The following RPTOR variants were observed in gnomAD, a reference collection of about 807,000 sequenced individuals.
The protein encoded by RPTOR is regulatory-associated protein of mTOR.
RPTOR carries 21 observed loss-of-function variants against 169.9 expected under a neutral mutation model. The observed-to-expected ratio is 0.12, with a 90% CI of 0.09 to 0.18. RPTOR has a LOEUF of 0.18. RPTOR is among the 10% of genes least tolerant of loss of function. RPTOR has a pLI of 1.00. For missense variants in RPTOR, 1,133 were observed against 1,855.9 expected (o/e 0.61, Z 7.16); for synonymous variants, 732 against 753.2 (o/e 0.97, Z 0.46).
intron 1 of RPTOR, among the ~76,000 whole-genome samples, chr17:80,567,660 C>T (rs769689759): frequency 1.2e-4 from 18 of 151,762 alleles, no homozygotes; most frequent in Middle Eastern, 3.4e-3. Flanking sequence ...GGCATGGTGG[C>T]GGGCGCCTAT....
At chr17:80,741,152 C>G (rs1043004744) in intron 5 of RPTOR, among the ~76,000 whole-genome samples, 1 of 152,190 alleles carries the variant, frequency 6.6e-6, no homozygotes, top group Non-Finnish European at 1.5e-5. Context: ...AACTGAGGGT[C>G]TCCCCGTGAC....
In RPTOR at chr17:80,687,732, C is replaced by A. The variant is rs530258936; in HGVS notation, c.349-20109C>A. Among the ~76,000 whole-genome samples, 3 of 152,284 alleles carry A rather than the reference C, an allele frequency of 2.0e-5. No individual in the cohort carries two copies. In the East Asian group the frequency reaches 5.8e-4, roughly 29 times the overall value. On this transcript the variant is annotated intron_variant, in intron 3 of 33. Coordinates refer to ENST00000306801, the MANE Select transcript of RPTOR (RefSeq NM_020761.3). Reference sequence around the variant, plus strand: ...CAGCACCGTGGGTGTTGATGATCTCCGAGGCTGCCTGTTTAGAGCGTCCCT... The same window carrying A: ...CAGCACCGTGGGTGTTGATGATCTCAGAGGCTGCCTGTTTAGAGCGTCCCT...
chr17:80,732,409 CTG>C (rs1437161472), intron 5 of RPTOR, among the ~76,000 whole-genome samples: 1 of 152,162 alleles, frequency 6.6e-6, no homozygotes, highest in Admixed American at 6.5e-5. Context: ...TCCGGCAGTG[CTG>C]TGTGTGCTCT....
intron 1 of RPTOR, among the ~76,000 whole-genome samples, chr17:80,605,687 C>T (rs1370632025): frequency 6.6e-6 from 1 of 151,906 alleles, no homozygotes; most frequent in Non-Finnish European, 1.5e-5. Context: ...TGGTGATATA[C>T]ACCTTGCCAG....
chr17:80,710,773 A>G (rs1372226909), intron 4 of RPTOR, among the ~76,000 whole-genome samples: 1 of 152,106 alleles, frequency 6.6e-6, no homozygotes, highest in Non-Finnish European at 1.5e-5. Flanking sequence ...ATTTTGTTTC[A>G]TATATTAAAT....
intron 24 of RPTOR, among the ~76,000 whole-genome samples, chr17:80,926,720 A>G (rs1231418653): frequency 6.6e-6 from 1 of 152,252 alleles, no homozygotes; most frequent in South Asian, 2.1e-4. Context: ...TTTACAGAAC[A>G]ATCACAGCCG....
chr17:80,791,682 C>T (rs2067050236), intron 7 of RPTOR, among the ~76,000 whole-genome samples, 173 bp downstream of exon 7: 3 of 152,046 alleles, frequency 2.0e-5, no homozygotes, highest in African/African-American at 7.3e-5. Flanking sequence ...CACACTGGGG[C>T]TTAGTGCAGG....
In RPTOR at chr17:80,823,351, A is replaced by AATTTTTT; in HGVS notation, c.1136+129_1136+130insTTTTTTA. 7.6e-6 allele frequency: 9 copies of AATTTTTT among 1,186,680 alleles called. No homozygotes were observed. The highest frequency in any genetic ancestry group is 2.4e-5 in the East Asian group (1 of 41,452). 73.5% of individuals were successfully genotyped at this position (1,186,680 alleles called of 1,614,324 possible). ...CTTGGGGACCCCGTGTAGCATTAAC[A>AATTTTTT]AGTGAAGCTAAATGCAGGGCTCCCA... On this transcript the variant is annotated intron_variant, in intron 9 of 33. Transcript: ENST00000306801. This position sits in a 1 kb window ranked among gnomAD's most constrained non-coding sequence, Gnocchi z 4.5.
At chr17:80,788,716 G>A (rs942135387) in intron 6 of RPTOR, among the ~76,000 whole-genome samples, 1 of 152,146 alleles carries the variant, frequency 6.6e-6, no homozygotes, top group African/African-American at 2.4e-5. Flanking sequence ...CTCACAGAAT[G>A]TGACGATTAA....
At chr17:80,622,726 C>T (rs992092596) in intron 1 of RPTOR, among the ~76,000 whole-genome samples, 1 of 152,112 alleles carries the variant, frequency 6.6e-6, no homozygotes, top group East Asian at 1.9e-4. Context: ...ACATGACAAA[C>T]CTCATCTCTA....
intron 16 of RPTOR, among the ~76,000 whole-genome samples, chr17:80,884,438 G>C (rs770415741): frequency 6.6e-6 from 1 of 152,184 alleles, no homozygotes; most frequent in Non-Finnish European, 1.5e-5. Flanking sequence ...TCTTCCCACC[G>C]GCCTGTGCAG....
chr17:80,709,566 A>T (rs901666005), intron 4 of RPTOR, among the ~76,000 whole-genome samples: 1 of 152,182 alleles, frequency 6.6e-6, no homozygotes, highest in Non-Finnish European at 1.5e-5. Flanking sequence ...CTCTTCCCAC[A>T]TTCGCTGTCC....
In RPTOR at chr17:80,722,767, C is replaced by G. The variant is rs991603944; in HGVS notation, c.508-7793C>G. ...ACCCAGTGTCAACCTCTTACATGACCTCAGCACAGCGATCAAATCTAGGAA... is the reference window on the plus strand; with the variant it reads ...ACCCAGTGTCAACCTCTTACATGACGTCAGCACAGCGATCAAATCTAGGAA... On this transcript the variant is annotated intron_variant, in intron 4 of 33. Transcript: ENST00000306801. Among the ~76,000 whole-genome samples the G allele has an allele frequency of 2.0e-5, 3 of 151,348 alleles. 1 individual carries two copies. Among genetic ancestry groups the G allele is most frequent in the African/African-American group, 7.4e-5 (3 of 40,616 alleles).
chr17:80,642,559 G>T (rs1056341836), intron 2 of RPTOR, among the ~76,000 whole-genome samples: 2 of 152,148 alleles, frequency 1.3e-5, no homozygotes, highest in African/African-American at 4.8e-5. Context: ...TTTTCCAGAT[G>T]ATCAATGCAT....
At chr17:80,723,032 T>C (rs1313125520) in intron 4 of RPTOR, among the ~76,000 whole-genome samples, 1 of 151,336 alleles carries the variant, frequency 6.6e-6, no homozygotes, top group Non-Finnish European at 1.5e-5. Flanking sequence ...GTTTGTCTGA[T>C]GTGTTCTCAT....
At chr17:80,855,684 T>G (rs9895380) in intron 12 of RPTOR, 137 bp downstream of exon 12, 187,632 of 692,602 alleles carry the variant, frequency 0.27, 29,536 homozygotes, top group African/African-American at 0.58. Flanking sequence ...GTCCACCGTG[T>G]TGGTGTCCTG....
intron 2 of RPTOR, among the ~76,000 whole-genome samples, chr17:80,637,914 AGACTTC>A (rs1489517987): frequency 6.6e-6 from 1 of 152,272 alleles, no homozygotes; most frequent in African/African-American, 2.4e-5. Flanking sequence ...GCACTTGCAC[AGACTTC>A]GTCATTGATT....
rs984482870 is a variant in RPTOR, at chr17:80,609,547, C to T, written c.163-16144C>T. Among the ~76,000 whole-genome samples, 9 of 152,110 alleles carry T rather than the reference C, an allele frequency of 5.9e-5. No individual in the cohort carries two copies. The highest frequency in any genetic ancestry group is 2.2e-4 in the African/African-American group (9 of 41,412). On this transcript the variant is annotated intron_variant, in intron 1 of 33. Coordinates refer to ENST00000306801, the MANE Select transcript of RPTOR (RefSeq NM_020761.3). This position sits in a 1 kb window ranked among gnomAD's most constrained non-coding sequence, Gnocchi z 4.8. ...GATTATTTGAAGTCATAGTTCGAGA[C>T]CAGCCTGGCCAACATGGTGAAACCC...
At chr17:80,744,911 T>G (rs1363138520) in intron 5 of RPTOR, among the ~76,000 whole-genome samples, 17 of 144,684 alleles carry the variant, frequency 1.2e-4, no homozygotes, top group African/African-American at 2.3e-4. Flanking sequence ...TCCTGGCTAC[T>G]AGCACAGCCC....
Sources: allele counts gnomAD v4.1 joint callset (sites outside exome capture counted in the v4.1 genomes callset), GRCh38; gene constraint gnomAD v4.1.1; non-coding constraint Gnocchi (gnomAD v3.1); transcripts MANE v1.5; gene names NCBI Gene and HGNC (gene_info 2026-07-23, HGNC 2026-07-21).